SNX14: variants seen among roughly 807,000 people sequenced by gnomAD.
SNX14 encodes the protein sorting nexin 14, also known as sorting nexin-14.
In SNX14, 93 loss-of-function variants were observed where a neutral mutation model predicts 133.8. The ratio of observed to expected loss-of-function variants is 0.70; its 90% CI spans 0.59 to 0.83. The LOEUF (loss-of-function observed/expected upper bound fraction) is 0.83, where lower values mean the gene tolerates loss of function less well. SNX14 is among the 40% of genes least tolerant of loss of function. The probability of loss-of-function intolerance (pLI) is 0.00; values close to 1 mark genes in which losing one functional copy is unlikely to be tolerated. For missense variants in SNX14, 945 were observed against 1,094.9 expected, an observed-to-expected ratio of 0.86 and a Z score of 1.93; for synonymous variants, 368 against 365.6, an observed-to-expected ratio of 1.01 and a Z score of -0.07.
At chr6:85,590,187 C>CA (rs1198253028) in intron 1 of SNX14, among the ~76,000 whole-genome samples, 1 of 152,202 alleles carries the variant, frequency 6.6e-6, no homozygotes, top group Non-Finnish European at 1.5e-5. Flanking sequence ...ACAAGACTAG[C>CA]AGCTGGTACT....
chr6:85,536,703 CA>C (rs1782061613), intron 17 of SNX14, 88 bp downstream of exon 17: 12 of 1,331,648 alleles, frequency 9.0e-6, no homozygotes, highest in South Asian at 3.2e-5. Flanking sequence ...ACAGATTCTC[CA>C]AAAAAAGGAA....
At chr6:85,558,407 A>C (rs528346410) in intron 6 of SNX14, among the ~76,000 whole-genome samples, 2 of 152,224 alleles carry the variant, frequency 1.3e-5, no homozygotes, top group African/African-American at 4.8e-5. Flanking sequence ...ATTAGTAAGA[A>C]ATTAGTTGAA....
At chr6:85,578,383 T>C (rs1797972578) in intron 1 of SNX14, among the ~76,000 whole-genome samples, 1 of 152,036 alleles carries the variant, frequency 6.6e-6, no homozygotes, top group East Asian at 1.9e-4. Context: ...AGAGAGTAAA[T>C]AACAGAGGTT....
At chr6:85,529,431 C>T (rs948361150) in intron 19 of SNX14, among the ~76,000 whole-genome samples, 3 of 152,140 alleles carry the variant, frequency 2.0e-5, no homozygotes, top group Non-Finnish European at 2.9e-5. Flanking sequence ...CATGAATGTG[C>T]TTTCTCAGAT....
At chr6:85,571,134 C>A (rs913982521) in intron 4 of SNX14, among the ~76,000 whole-genome samples, 4 of 151,844 alleles carry the variant, frequency 2.6e-5, no homozygotes, top group Admixed American at 2.6e-4. Flanking sequence ...GGGTGGATCA[C>A]GAGGTCAGGA....
At chr6:85,558,619 G>A (rs1790519022) in intron 6 of SNX14, among the ~76,000 whole-genome samples, 1 of 151,934 alleles carries the variant, frequency 6.6e-6, no homozygotes, top group African/African-American at 2.4e-5. Flanking sequence ...ATGCCACCAC[G>A]CCCAGCTAGT....
At chr6:85,537,434 G>T (rs968851899) in intron 16 of SNX14, among the ~76,000 whole-genome samples, 1 of 152,214 alleles carries the variant, frequency 6.6e-6, no homozygotes, top group African/African-American at 2.4e-5. Flanking sequence ...AAAGGGAAAG[G>T]TTAGCAATGA....
chr6:85,565,765 T>C (rs1170299345), intron 5 of SNX14, among the ~76,000 whole-genome samples: 4 of 152,084 alleles, frequency 2.6e-5, no homozygotes, highest in South Asian at 2.1e-4. Flanking sequence ...GGAGAAGCAA[T>C]AGAATTAATA....
chr6:85,579,546 T>A (rs1393667561), intron 1 of SNX14, among the ~76,000 whole-genome samples: 3 of 152,202 alleles, frequency 2.0e-5, no homozygotes, highest in Non-Finnish European at 4.4e-5. Context: ...GCCAATACCC[T>A]TTCTGCAGCC....
chr6:85,524,231 A>T (rs1777850556), intron 21 of SNX14, among the ~76,000 whole-genome samples: 1 of 152,112 alleles, frequency 6.6e-6, no homozygotes, highest in South Asian at 2.1e-4. Flanking sequence ...AGAAACATTT[A>T]TATATAGGTA....
In SNX14 at chr6:85,507,869, GTA is replaced by G. The variant is rs2127748644; in HGVS notation, c.2745+97_2745+98del. 6.3e-6 allele frequency: 5 copies of G among 787,608 alleles called. No individual in the cohort carries two copies. The South Asian group carries it at 1.1e-4, about 17-fold the overall frequency. The allele number at this position is 787,608 out of a possible 1,614,324, so 48.8% of individuals were successfully genotyped here. Reference sequence around the variant, plus strand: ...TTTAAAATTATATTGCCTTGGTTTAGTATAGTGTCATTTATACAACTAATGAG... The same window carrying G: ...TTTAAAATTATATTGCCTTGGTTTAGTAGTGTCATTTATACAACTAATGAG... On this transcript the variant is annotated intron_variant, in intron 27 of 28. Coordinates refer to ENST00000314673, the MANE Select transcript of SNX14 (RefSeq NM_153816.6).
intron 15 of SNX14, among the ~76,000 whole-genome samples, chr6:85,540,520 T>A (rs1376391506): frequency 6.6e-6 from 1 of 152,208 alleles, no homozygotes; most frequent in African/African-American, 2.4e-5. Flanking sequence ...TTTTGTTAAA[T>A]AACGTCTAAG....
At position 85,565,365 on chromosome 6, in the gene SNX14, A is replaced by G. The variant is rs143497401; in HGVS notation, c.516T>C (p.Phe172=). The G allele has an allele frequency of 2.2e-4, 354 of 1,604,180 alleles. 1 individual carries two copies. The African/African-American group carries it at 4.2e-3, about 19-fold the overall frequency. ...TCCTTCTTATTAAGACAGATGCAAAAAAACGTAATGTTATTCTCAGTTCAT... is the reference window on the plus strand; with the variant it reads ...TCCTTCTTATTAAGACAGATGCAAAGAAACGTAATGTTATTCTCAGTTCAT... ...FVDELRITLR[F]FASVLIRRIH... is the part of the protein sequence containing the mutation. The change falls in exon 6 of 29, where the codon TTT becomes TTC. Residue 172 remains phenylalanine, a synonymous_variant. Coordinates refer to ENST00000314673, the MANE Select transcript of SNX14 (RefSeq NM_153816.6).
rs1792347457 is a variant in SNX14, at chr6:85,563,169, T to C, written c.549+2163A>G. 2.6e-5 allele frequency among the ~76,000 whole-genome samples: 4 copies of C among 152,304 alleles called. No individual in the cohort carries two copies. In the South Asian group the frequency reaches 6.2e-4, roughly 24 times the overall value. On this transcript the variant is annotated intron_variant, in intron 6 of 28. Coordinates refer to ENST00000314673, the MANE Select transcript of SNX14 (RefSeq NM_153816.6). ...ATATCTTTTCTCTAGCAGTTGACTA[T>C]ATTGTTCACTTCTCAGATAGGTATA...
chr6:85,593,690 T>G lies in SNX14; in HGVS notation c.29A>C (p.Gln10Pro), dbSNP rs1184922345. ...CAGTCGCAGCCGCTGCTTCAGCTTCTGCCCCATCGTCCGCACCCAGGGCAC... is the reference window on the plus strand; with the variant it reads ...CAGTCGCAGCCGCTGCTTCAGCTTCGGCCCCATCGTCCGCACCCAGGGCAC... MVPWVRTMG[Q>P]KLKQRLRLDV... Residue 10 changes from glutamine to proline, a missense_variant, in exon 1 of 29, where the codon CAG becomes CCG. This residue lies in a region of SNX14 where 514 missense variants were observed against 538.8 expected (regional missense o/e 0.95). Coordinates refer to ENST00000314673, the MANE Select transcript of SNX14 (RefSeq NM_153816.6). 2 of 1,613,614 alleles carry G rather than the reference T, an allele frequency of 1.2e-6. No homozygotes were observed. Among genetic ancestry groups the G allele is most frequent in the East Asian group, 4.5e-5 (2 of 44,866 alleles).
intron 7 of SNX14, among the ~76,000 whole-genome samples, chr6:85,550,897 C>T (rs1448843245): frequency 1.3e-5 from 2 of 152,006 alleles, no homozygotes; most frequent in Non-Finnish European, 2.9e-5. Flanking sequence ...AATTCTGCCT[C>T]AGCCTCCCAA....
At position 85,525,989 on chromosome 6, in the gene SNX14, G is replaced by A. The variant is rs1045205767; in HGVS notation, c.2107+137C>T. 322 of 511,202 alleles carry A rather than the reference G, an allele frequency of 6.3e-4. 3 individuals carry two copies. In the East Asian group the frequency reaches 0.011, roughly 18 times the overall value. 31.7% of individuals were successfully genotyped at this position (511,202 alleles called of 1,614,324 possible). A position where few individuals can be genotyped will look rare whatever the true frequency, so the allele number is the denominator to read the frequency against. ...AATGGACAGATTAAGGTCAGCATCTGACAATTTATCTCTAAATGCAGAAAT... is the reference window on the plus strand; with the variant it reads ...AATGGACAGATTAAGGTCAGCATCTAACAATTTATCTCTAAATGCAGAAAT... On this transcript the variant is annotated intron_variant, in intron 21 of 28. Transcript: ENST00000314673.
chr6:85,575,510 GTCTCCCAATAATAAA>G (rs923729470), intron 1 of SNX14, among the ~76,000 whole-genome samples: 5 of 152,180 alleles, frequency 3.3e-5, no homozygotes, highest in Admixed American at 3.3e-4. Flanking sequence ...TTACCTCCCT[GTCTCCCAATAATAAA>G]TCTGCAATAC....
intron 18 of SNX14, among the ~76,000 whole-genome samples, chr6:85,531,847 T>C (rs1050164063): frequency 4.6e-5 from 7 of 152,004 alleles, no homozygotes; most frequent in African/African-American, 1.7e-4. Context: ...AGCAACATAG[T>C]GAGACCTTTT....
Sources: allele counts gnomAD v4.1 joint callset (sites outside exome capture counted in the v4.1 genomes callset), GRCh38; gene constraint gnomAD v4.1.1; regional missense constraint gnomAD v4.1.1; transcripts MANE v1.5; gene names NCBI Gene and HGNC (gene_info 2026-07-23, HGNC 2026-07-21).